The following CFAP70 variants were observed in gnomAD, a reference collection of about 807,000 sequenced individuals.
The protein encoded by CFAP70 is cilia and flagella associated protein 70, also known as cilia- and flagella-associated protein 70.
CFAP70 carries 81 observed loss-of-function variants against 137.6 expected under a neutral mutation model. The observed-to-expected ratio is 0.59, with a 90% confidence interval of 0.49 to 0.71. The LOEUF is 0.71. Among genes scored for constraint, CFAP70 ranks in the 30% least tolerant of loss-of-function variants. CFAP70 has a pLI of 0.00. For synonymous variants in CFAP70, 382 were observed against 423.6 expected (o/e 0.90, Z 1.20); for missense variants, 976 against 1,226.7 (o/e 0.80, Z 3.05).
At chr10:73,327,647 A>T (rs1478162368) in intron 8 of CFAP70, among the ~76,000 whole-genome samples, 1 of 152,044 alleles carries the variant, frequency 6.6e-6, no homozygotes, top group Non-Finnish European at 1.5e-5. Flanking sequence ...AAGTCTCAGG[A>T]TACAAAATCA....
At chr10:73,260,205 T>G (rs2045010822) in intron 25 of CFAP70, among the ~76,000 whole-genome samples, 1 of 151,790 alleles carries the variant, frequency 6.6e-6, no homozygotes, top group African/African-American at 2.4e-5. Flanking sequence ...TAAAATAAAT[T>G]ATCCAGGAGT....
intron 24 of CFAP70, among the ~76,000 whole-genome samples, chr10:73,271,501 TAAG>T (rs376496033): frequency 2.6e-5 from 4 of 151,966 alleles, no homozygotes; most frequent in African/African-American, 9.7e-5. Context: ...GACAGAGCTA[TAAG>T]AAGATACCAA....
upstream of CFAP70, among the ~76,000 whole-genome samples, chr10:73,360,858 C>T (rs140590686): frequency 2.9e-4 from 44 of 152,178 alleles, no homozygotes; most frequent in African/African-American, 9.6e-4. Flanking sequence ...TTCCAGAAAT[C>T]GCTCATGATC....
chr10:73,310,094 ATCTGACTTCCTCTTATT>A, intron 12 of CFAP70, 47 bp downstream of exon 13: 1 of 1,038,934 alleles, frequency 9.6e-7, no homozygotes, highest in Non-Finnish European at 1.4e-6. Flanking sequence ...CGTGGGGACA[ATCTGACTTCCTCTTATT>A]TATACCCAAA....
chr10:73,286,925 A>C, intron 19 of CFAP70, among the ~76,000 whole-genome samples: 1 of 152,246 alleles, frequency 6.6e-6, no homozygotes, highest in South Asian at 2.1e-4. Context: ...CATGTCCTTA[A>C]GGCACAGATC....
intron 15 of CFAP70, chr10:73,296,356 A>G (rs60355979): frequency 0.11 from 16,067 of 152,238 alleles, 1,218 homozygotes; most frequent in East Asian, 0.3. Flanking sequence ...CCTTCTCCAG[A>G]AAGACAGAAC....
rs763573982 is a variant in CFAP70, at chr10:73,314,877, T to TTA, written c.913-2236_913-2235dup. On this transcript the variant is annotated intron_variant, in intron 9 of 26. Transcript: ENST00000310715. ...ACCTCGGCCTCCCAAAGTGCTGGGA[T>TTA]TACAGGTGTGAGCCACCACACCTGG... is the stretch of plus-strand genomic sequence containing the variant. 1.0e-3 allele frequency among the ~76,000 whole-genome samples: 154 copies of TTA among 150,026 alleles called. 1 individual carries two copies. The highest frequency in any genetic ancestry group is 1.3e-3 in the Non-Finnish European group (90 of 67,626).
At chr10:73,326,380 A>G (rs1352871981) in intron 8 of CFAP70, among the ~76,000 whole-genome samples, 2 of 147,666 alleles carry the variant, frequency 1.4e-5, no homozygotes, top group Non-Finnish European at 1.5e-5. Flanking sequence ...CACAAGAGAA[A>G]GCAGGAAAGA....
exon 4 of CFAP70, chr10:73,348,436 A>G: frequency 1.3e-6 from 2 of 1,598,798 alleles, no homozygotes; most frequent in Non-Finnish European, 1.7e-6. Flanking sequence ...CCAGTAAGGG[A>G]AGAAGGTCCA....
At chr10:73,277,073 G>T in intron 21 of CFAP70, 167 bp downstream of exon 22, 1 of 758,936 alleles carries the variant, frequency 1.3e-6, no homozygotes, top group Non-Finnish European at 2.0e-6. Context: ...CATGTGCAAA[G>T]AGTGGTTCAT....
chr10:73,280,311 G>T lies in CFAP70; in HGVS notation c.2240-1974C>A, dbSNP rs531381056. Among the ~76,000 whole-genome samples the T allele has an allele frequency of 2.2e-4, 34 of 151,924 alleles. No homozygotes were observed. The South Asian group carries it at 2.3e-3, about 10-fold the overall frequency. ...TAACAAAACCTTGTCTCTTAAAAAA[G>T]AATAATAATAATAAAATTAAATAAA... On this transcript the variant is annotated intron_variant, in intron 19 of 26. Transcript: ENST00000310715.
At chr10:73,296,832 T>C (rs965039742) in intron 15 of CFAP70, 3 of 364,740 alleles carry the variant, frequency 8.2e-6, no homozygotes, top group African/African-American at 6.3e-5. Context: ...TTCTAGGAAA[T>C]TGAAAGAGCA....
intron 19 of CFAP70, among the ~76,000 whole-genome samples, chr10:73,279,582 G>C (rs2047105098): frequency 6.7e-6 from 1 of 150,124 alleles, no homozygotes; most frequent in Admixed American, 6.6e-5. Context: ...TAAGAAGTTG[G>C]GCGAGGTGAC....
intron 8 of CFAP70, among the ~76,000 whole-genome samples, chr10:73,324,235 TG>T (rs1198861581): frequency 6.6e-6 from 1 of 152,170 alleles, no homozygotes; most frequent in Non-Finnish European, 1.5e-5. Flanking sequence ...GGGTCTGGAG[TG>T]GACCTCTAGC....
At chr10:73,348,041 G>T in intron 4 of CFAP70, 115 bp downstream of exon 5, 1 of 860,358 alleles carries the variant, frequency 1.2e-6, no homozygotes, top group Non-Finnish European at 1.9e-6. Context: ...CACTAAGTGT[G>T]CTGTGAAAAG....
intron 25 of CFAP70, 98 bp downstream of exon 26, chr10:73,269,516 A>G (rs2046065529): frequency 1.3e-6 from 1 of 762,032 alleles, no homozygotes; most frequent in African/African-American, 1.7e-5. Flanking sequence ...ATCAGATTTC[A>G]GCTACCATGC....
In CFAP70 at chr10:73,354,845, G is replaced by A. The variant is rs2054544573; in HGVS notation, c.-39-10C>T. 1.3e-6 allele frequency: 2 copies of A among 1,535,188 alleles called. No homozygotes were observed. The highest frequency in any genetic ancestry group is 4.5e-5 in the East Asian group (2 of 44,380). ...CTGTTTTCTTTGGTCTCTGTAAACA[G>A]AATGAATCAACCTGTCCCCTCATGT... is the stretch of plus-strand genomic sequence containing the variant. On this transcript the variant is annotated splice_polypyrimidine_tract_variant and intron_variant, in intron 1 of 26. Transcript: ENST00000310715.
chr10:73,293,673 T>A, intron 15 of CFAP70: 1 of 256,234 alleles, frequency 3.9e-6, no homozygotes. Context: ...CTCAGGGCAT[T>A]CATAGTCCCT....
chr10:73,270,133 C>T (rs2046126493), intron 24 of CFAP70, among the ~76,000 whole-genome samples: 1 of 152,104 alleles, frequency 6.6e-6, no homozygotes, highest in African/African-American at 2.4e-5. Context: ...TTACATTGTG[C>T]ATCCTTTTCT....
Sources: allele counts gnomAD v4.1 joint callset (sites outside exome capture counted in the v4.1 genomes callset), GRCh38; gene constraint gnomAD v4.1.1; transcripts MANE v1.5; gene names NCBI Gene and HGNC (gene_info 2026-07-23, HGNC 2026-07-21).